DPY19L3: variants seen among roughly 807,000 people sequenced by gnomAD.
DPY19L3 encodes protein C-mannosyl-transferase DPY19L3.
DPY19L3 carries 51 observed loss-of-function variants against 92.3 expected under a neutral mutation model. That is an observed-to-expected ratio of 0.55 (90% CI 0.44 to 0.70). DPY19L3 has a LOEUF of 0.70. Among genes scored for constraint, DPY19L3 ranks in the 30% least tolerant of loss-of-function variants. DPY19L3 has a pLI of 0.00. For missense variants in DPY19L3, 706 were observed against 855.9 expected (o/e 0.82, Z 2.18); for synonymous variants, 309 against 315.2 (o/e 0.98, Z 0.21).
chr19:32,438,210 G>A (rs977779095), intron 6 of DPY19L3, among the ~76,000 whole-genome samples: 11 of 152,114 alleles, frequency 7.2e-5, no homozygotes, highest in African/African-American at 2.7e-4. Context: ...ACTTGAACAT[G>A]AGTTCTAATA....
chr19:32,444,377 A>G (rs1969420352), intron 8 of DPY19L3, among the ~76,000 whole-genome samples: 1 of 152,136 alleles, frequency 6.6e-6, no homozygotes, highest in Non-Finnish European at 1.5e-5. Flanking sequence ...GTGAACTTGA[A>G]GATAGAACAA....
At chr19:32,480,850 CTG>C (rs1471675902) in intron 18 of DPY19L3, 2 of 478,544 alleles carry the variant, frequency 4.2e-6, no homozygotes, top group Non-Finnish European at 7.3e-6. Flanking sequence ...TAAAATGTAT[CTG>C]TGAAGGATTT....
Position 32,411,266 on chromosome 19 carries a change from T to G in DPY19L3, c.131T>G (p.Ile44Ser), listed in dbSNP as rs772713966. 6.2e-7 allele frequency: 1 copy of G among 1,612,560 alleles called. No individual in the cohort carries two copies. Among genetic ancestry groups the G allele is most frequent in the Non-Finnish European group, 8.5e-7 (1 of 1,179,966 alleles). Residue 44 changes from isoleucine (I) to serine (S), a missense_variant, in exon 3 of 19, where the codon ATT becomes AGT. Physicochemically the swap from Ile to Ser is moderately radical, Grantham distance 142 (BLOSUM62 -2). Coordinates refer to ENST00000392250, the MANE Select transcript of DPY19L3 (RefSeq NM_001172774.2). ...TGTACCAGTAGAAGATTATGGAAGATTTTGTCATTGACAATTGGTGGAACC... is the reference window on the plus strand; with the variant it reads ...TGTACCAGTAGAAGATTATGGAAGAGTTTGTCATTGACAATTGGTGGAACC... ...SGCTSRRLWKILSLTIGGTIA... is the reference protein window; with the variant it reads ...SGCTSRRLWKSLSLTIGGTIA...
intron 3 of DPY19L3, chr19:32,412,276 A>T (rs984815768): frequency 6.6e-6 from 1 of 152,110 alleles, no homozygotes. Flanking sequence ...AAATTAGTGC[A>T]GTAGGTCATG....
intron 6 of DPY19L3, chr19:32,438,897 A>G (rs972953974): frequency 1.5e-5 from 8 of 546,888 alleles, no homozygotes; most frequent in South Asian, 1.3e-4. Context: ...GGGCATACCC[A>G]TGGACAGAGC....
intron 3 of DPY19L3, among the ~76,000 whole-genome samples, chr19:32,419,740 T>G (rs141556753): frequency 6.6e-6 from 1 of 152,312 alleles, no homozygotes; most frequent in Non-Finnish European, 1.5e-5. Flanking sequence ...GACCTACATA[T>G]TCTGTTTAAG....
Position 32,434,653 on chromosome 19 carries a change from C to T in DPY19L3, c.329-1793C>T, listed in dbSNP as rs147641826. ...CAGCCTGGGCGACAGAGCGAGACTC[C>T]GTCTCAAAATAGAAAAGTAAAAAAA... On this transcript the variant is annotated intron_variant, in intron 4 of 18. Transcript: ENST00000392250. 6.1e-4 allele frequency among the ~76,000 whole-genome samples: 93 copies of T among 152,262 alleles called. 1 individual carries two copies. The East Asian group carries it at 0.015, about 24-fold the overall frequency.
At chr19:32,477,327 G>A (rs999407371) in intron 16 of DPY19L3, among the ~76,000 whole-genome samples, 195 bp from the exon 17 acceptor site, 4 of 151,774 alleles carry the variant, frequency 2.6e-5, no homozygotes, top group Non-Finnish European at 5.9e-5. Flanking sequence ...GAAAGTAATG[G>A]CAAAAACCGC....
intron 8 of DPY19L3, among the ~76,000 whole-genome samples, chr19:32,442,470 C>T (rs575729315): frequency 1.3e-5 from 2 of 152,264 alleles, no homozygotes; most frequent in Non-Finnish European, 2.9e-5. Flanking sequence ...CTCCCCGTTC[C>T]TCCCCAAAGT....
At chr19:32,468,372 C>T (rs943971238) in intron 15 of DPY19L3, 19 of 1,013,700 alleles carry the variant, frequency 1.9e-5, no homozygotes, top group Non-Finnish European at 2.2e-5. Context: ...ATATTCCTAA[C>T]GGATTGTGAA....
intron 17 of DPY19L3, 73 bp downstream of exon 17, chr19:32,477,727 G>A: frequency 6.3e-7 from 1 of 1,585,704 alleles, no homozygotes; most frequent in South Asian, 1.1e-5. Context: ...GTGTGGTAAA[G>A]ATGGGGCTGA....
rs1555714155 is a variant in DPY19L3, at chr19:32,407,271, C to CCG, written c.-37-946_-37-945insCG. Among the ~76,000 whole-genome samples, 11 of 134,502 alleles carry CCG rather than the reference C, an allele frequency of 8.2e-5. 1 individual carries two copies. The highest frequency in any genetic ancestry group is 1.6e-4 in the Non-Finnish European group (10 of 62,174). 88.2% of individuals were successfully genotyped at this position (134,502 alleles called of 152,430 possible). ...GCCAAACCAGGCTCCTGCTCCCCCC[C>CCG]ACCCATTACTCCCACCGACGCTCCC... On this transcript the variant is annotated intron_variant, in intron 1 of 18. Transcript: ENST00000392250.
At chr19:32,409,878 C>G (rs1968116545) in intron 2 of DPY19L3, among the ~76,000 whole-genome samples, 1 of 152,190 alleles carries the variant, frequency 6.6e-6, no homozygotes, top group Non-Finnish European at 1.5e-5. Flanking sequence ...TAGGCCCCAC[C>G]TCCAACATTG....
At chr19:32,415,506 T>C (rs1968349049) in intron 3 of DPY19L3, among the ~76,000 whole-genome samples, 1 of 152,044 alleles carries the variant, frequency 6.6e-6, no homozygotes. Flanking sequence ...TAATAAAGGG[T>C]CTGTCTTCTC....
chr19:32,475,215 G>T (rs1356062228), intron 16 of DPY19L3, among the ~76,000 whole-genome samples: 3 of 152,188 alleles, frequency 2.0e-5, no homozygotes, highest in Non-Finnish European at 2.9e-5. Flanking sequence ...CATTCAAAAC[G>T]GTGATGGTGA....
chr19:32,427,754 A>G (rs1324324236), intron 3 of DPY19L3, among the ~76,000 whole-genome samples: 2 of 152,274 alleles, frequency 1.3e-5, no homozygotes, highest in Middle Eastern at 3.4e-3. Flanking sequence ...ATTTAACCAG[A>G]CAATAAACCA....
chr19:32,462,831 AATT>A (rs1970081315), intron 12 of DPY19L3, among the ~76,000 whole-genome samples: 1 of 152,186 alleles, frequency 6.6e-6, no homozygotes, highest in Non-Finnish European at 1.5e-5. Context: ...GATGTTAAGG[AATT>A]ATTGTTACTT....
chr19:32,435,049 G>A (rs1239734424), intron 4 of DPY19L3, among the ~76,000 whole-genome samples: 5 of 152,056 alleles, frequency 3.3e-5, no homozygotes, highest in Non-Finnish European at 5.9e-5. Flanking sequence ...GAGGCTAGAA[G>A]TCCAAGATCC....
chr19:32,450,926 C>G (rs1318835058), intron 8 of DPY19L3, among the ~76,000 whole-genome samples: 1 of 152,182 alleles, frequency 6.6e-6, no homozygotes, highest in Non-Finnish European at 1.5e-5. Flanking sequence ...AGTAGTTGTA[C>G]TCAGGGATCT....
Sources: gnomAD v4.1 joint callset for allele counts (sites outside exome capture counted in the v4.1 genomes callset) on GRCh38, gnomAD v4.1.1 for gene constraint, MANE v1.5 for transcripts, NCBI Gene and HGNC (gene_info 2026-07-23, HGNC 2026-07-21) for gene names.